Variants in PCMTD1 observed in about 807,000 individuals in gnomAD.
The protein encoded by PCMTD1 is protein-L-isoaspartate (D-aspartate) O-methyltransferase domain containing 1.
PCMTD1 carries 12 observed loss-of-function variants against 37.6 expected under a neutral mutation model. The ratio of observed to expected loss-of-function variants is 0.32; its 90% CI spans 0.20 to 0.52. The LOEUF (loss-of-function observed/expected upper bound fraction) is 0.52, where lower values mean the gene tolerates loss of function less well. Ranked by LOEUF, PCMTD1 falls within the 20% of genes least tolerant of loss-of-function variation. PCMTD1 has a pLI of 0.97. For synonymous variants in PCMTD1, 117 were observed against 135.8 expected, an observed-to-expected ratio of 0.86 and a Z score of 0.96; for missense variants, 235 against 421.3, an observed-to-expected ratio of 0.56 and a Z score of 3.87.
At chr8:51,894,827 G>C (rs1210717026) in intron 1 of PCMTD1, among the ~76,000 whole-genome samples, 1 of 151,328 alleles carries the variant, frequency 6.6e-6, no homozygotes, top group Non-Finnish European at 1.5e-5. Context: ...AGAGAGAGAA[G>C]AACCAAGGAT....
At chr8:51,883,484 T>C (rs1039421564) in intron 1 of PCMTD1, among the ~76,000 whole-genome samples, 1 of 152,110 alleles carries the variant, frequency 6.6e-6, no homozygotes, top group Non-Finnish European at 1.5e-5. Context: ...GCAAAGAAAT[T>C]CAACAGATTT....
At chr8:51,875,139 ATTTC>A (rs1297014987) in intron 1 of PCMTD1, among the ~76,000 whole-genome samples, 8 of 152,358 alleles carry the variant, frequency 5.3e-5, no homozygotes, top group East Asian at 1.9e-4. Flanking sequence ...TTTAAAAAGA[ATTTC>A]TTTATTTCAA....
intron 1 of PCMTD1, among the ~76,000 whole-genome samples, chr8:51,881,978 TTCAC>T (rs1293139822): frequency 4.6e-5 from 7 of 152,200 alleles, no homozygotes; most frequent in Non-Finnish European, 1.0e-4. Flanking sequence ...GTTCTCCCTG[TTCAC>T]TCAGATGCCA....
At chr8:51,898,586 A>AGACGAGGACGG (rs1554528596) in intron 1 of PCMTD1, among the ~76,000 whole-genome samples, 3 of 152,120 alleles carry the variant, frequency 2.0e-5, no homozygotes, top group Admixed American at 2.0e-4. Context: ...GCCGAGGACG[A>AGACGAGGACGG]GCCGAGGACG....
Position 51,878,245 on chromosome 8 carries a change from T to TG in PCMTD1, c.-95-17000_-95-16999insC, listed in dbSNP as rs986420363. On this transcript the variant is annotated intron_variant, in intron 1 of 5. Coordinates refer to ENST00000522514, the MANE Select transcript of PCMTD1 (RefSeq NM_052937.4). ...TTCTTAAAATATTATGAGATTTTTT[T>TG]TTTGGTTTTTTTTTTTTTTTAGCTC... is the stretch of plus-strand genomic sequence containing the variant. Among the ~76,000 whole-genome samples, 49 of 82,294 alleles carry TG rather than the reference T, an allele frequency of 6.0e-4. No individual in the cohort carries two copies. The South Asian group carries it at 0.016, about 26-fold the overall frequency. 54.0% of individuals were successfully genotyped at this position (82,294 alleles called of 152,430 possible).
In PCMTD1 at chr8:51,820,758, A is replaced by G. The variant is rs777132247; in HGVS notation, c.707-40T>C. Reference sequence around the variant, plus strand: ...AAAACGCAAGAAAGAAAATATTAACAATAAAACATTATCTATTGTTTATTT... The same window carrying G: ...AAAACGCAAGAAAGAAAATATTAACGATAAAACATTATCTATTGTTTATTT... On this transcript the variant is annotated intron_variant, in intron 5 of 5. Coordinates refer to ENST00000522514, the MANE Select transcript of PCMTD1 (RefSeq NM_052937.4). 6.0e-6 allele frequency: 9 copies of G among 1,501,938 alleles called. No individual in the cohort carries two copies. In the East Asian group the frequency reaches 2.2e-4, roughly 37 times the overall value. The allele number at this position is 1,501,938 out of a possible 1,614,324, so 93.0% of individuals were successfully genotyped here.
At chr8:51,890,762 T>C (rs978065664) in intron 1 of PCMTD1, among the ~76,000 whole-genome samples, 1 of 152,168 alleles carries the variant, frequency 6.6e-6, no homozygotes, top group African/African-American at 2.4e-5. Flanking sequence ...AGAAATCCCC[T>C]AATAACATTA....
At chr8:51,835,051 G>C (rs2038050457) in intron 3 of PCMTD1, among the ~76,000 whole-genome samples, 1 of 152,122 alleles carries the variant, frequency 6.6e-6, no homozygotes, top group Non-Finnish European at 1.5e-5. Context: ...TGCTACGGGG[G>C]AATCTTTATG....
At position 51,859,114 on chromosome 8, in the gene PCMTD1, T is replaced by C. The variant is rs530599686; in HGVS notation, c.307+1731A>G. 3.3e-5 allele frequency among the ~76,000 whole-genome samples: 5 copies of C among 152,272 alleles called. No homozygotes were observed. The South Asian group carries it at 1.0e-3, about 32-fold the overall frequency. The stretch of plus-strand genomic sequence containing the variant: ...CCCTCAGCACGAGCCAGTTGGCACA[T>C]ACTAGAGAAGGGTAAGACAGAATAA... On this transcript the variant is annotated intron_variant, in intron 2 of 5. Transcript: ENST00000522514.
At chr8:51,840,619 G>A (rs750212800) in intron 3 of PCMTD1, among the ~76,000 whole-genome samples, 7 of 151,996 alleles carry the variant, frequency 4.6e-5, no homozygotes, top group Non-Finnish European at 1.0e-4. Flanking sequence ...TTCTCATAAA[G>A]ATGAAGTGAA....
intron 1 of PCMTD1, among the ~76,000 whole-genome samples, chr8:51,865,690 G>A (rs2038544765): frequency 6.6e-6 from 1 of 151,776 alleles, no homozygotes; most frequent in South Asian, 2.1e-4. Context: ...CATAATAAAG[G>A]CTATTATGAA....
At chr8:51,891,696 G>GTA (rs5891441) in intron 1 of PCMTD1, among the ~76,000 whole-genome samples, 91,485 of 142,552 alleles carry the variant, frequency 0.64, 32,131 homozygotes, top group Non-Finnish European at 0.78. Context: ...ACATATATAT[G>GTA]TATATATATA....
intron 2 of PCMTD1, among the ~76,000 whole-genome samples, chr8:51,851,566 C>G (rs1389927527): frequency 6.6e-6 from 1 of 151,566 alleles, no homozygotes; most frequent in Non-Finnish European, 1.5e-5. Flanking sequence ...AAATTTCTAA[C>G]AAAGCAAATT....
At chr8:51,836,465 C>T (rs974704410) in intron 3 of PCMTD1, among the ~76,000 whole-genome samples, 3 of 136,890 alleles carry the variant, frequency 2.2e-5, no homozygotes, top group African/African-American at 7.3e-5. Context: ...CACAATCTTC[C>T]CTTTGAAACA....
intron 2 of PCMTD1, 66 bp downstream of exon 2, chr8:51,860,779 T>C (rs1440361579): frequency 2.3e-6 from 3 of 1,329,918 alleles, no homozygotes; most frequent in Admixed American, 5.0e-5. Context: ...ACAACTCCTA[T>C]AAATCATAAA....
chr8:51,858,504 G>A (rs2038424556), intron 2 of PCMTD1, among the ~76,000 whole-genome samples: 1 of 152,164 alleles, frequency 6.6e-6, no homozygotes, highest in Non-Finnish European at 1.5e-5. Flanking sequence ...TCTGGATCCA[G>A]TTCTAAGTGA....
Position 51,831,576 on chromosome 8 carries a change from A to AC in PCMTD1, c.583-10_583-9insG. 2 of 1,603,214 alleles carry AC rather than the reference A, an allele frequency of 1.2e-6. No individual in the cohort carries two copies. Among genetic ancestry groups the AC allele is most frequent in the Non-Finnish European group, 1.7e-6 (2 of 1,175,316 alleles). On this transcript the variant is annotated splice_polypyrimidine_tract_variant and intron_variant, in intron 4 of 5. Transcript: ENST00000522514. ...CGCATAATCTGTGTTAACTATTTAG[A>AC]GAAAAAAAAGAAAGAAAGTGAACAA...
chr8:51,839,558 A>T, intron 3 of PCMTD1: 1 of 985,420 alleles, frequency 1.0e-6, no homozygotes. Context: ...AATTCTTTTG[A>T]TAAGCTGCTA....
chr8:51,869,350 C>T (rs1402149476), intron 1 of PCMTD1, among the ~76,000 whole-genome samples: 8 of 151,984 alleles, frequency 5.3e-5, no homozygotes, highest in African/African-American at 1.5e-4. Flanking sequence ...AAGGTGTAGC[C>T]ACGGTTCCAC....
Sources: gnomAD v4.1 joint callset for allele counts (sites outside exome capture counted in the v4.1 genomes callset) on GRCh38, gnomAD v4.1.1 for gene constraint, MANE v1.5 for transcripts, NCBI Gene and HGNC (gene_info 2026-07-23, HGNC 2026-07-21) for gene names.